The following WDR20 variants were observed in gnomAD, a reference collection of about 807,000 sequenced individuals.
The protein encoded by WDR20 is WD repeat-containing protein 20.
A neutral mutation model predicts 38.7 loss-of-function variants in WDR20; 3 were observed. The observed-to-expected ratio is 0.08, with a 90% CI of 0.04 to 0.20. The LOEUF (loss-of-function observed/expected upper bound fraction) is 0.20. Ranked by LOEUF, WDR20 falls within the 10% of genes least tolerant of loss-of-function variation. The pLI is 1.00. For synonymous variants in WDR20, 298 were observed against 285.6 expected (o/e 1.04, Z -0.44); for missense variants, 559 against 727.7 (o/e 0.77, Z 2.67).
At chr14:102,157,459 A>C (rs1025221254) in intron 1 of WDR20, 1 of 152,136 alleles carries the variant, frequency 6.6e-6, no homozygotes, top group Non-Finnish European at 1.5e-5. Context: ...GCAGTTGCTC[A>C]TCTAGAATTC....
chr14:102,214,391 CTTTA>C, downstream of WDR20: 1 of 985,400 alleles, frequency 1.0e-6, no homozygotes, highest in Non-Finnish European at 1.2e-6. Flanking sequence ...AAGTCTGTGG[CTTTA>C]TATGTAAAAG....
chr14:102,224,216 AT>A (rs1277140080), downstream of WDR20, among the ~76,000 whole-genome samples: 1 of 151,546 alleles, frequency 6.6e-6, no homozygotes, highest in Non-Finnish European at 1.5e-5. Context: ...TAATTTTTGT[AT>A]TTTTAGTAGA....
At chr14:102,146,948 T>C (rs2053860659) in intron 1 of WDR20, among the ~76,000 whole-genome samples, 1 of 152,236 alleles carries the variant, frequency 6.6e-6, no homozygotes, top group South Asian at 2.1e-4. Flanking sequence ...TGTGTTTCTT[T>C]TCCATTAAGG....
chr14:102,215,762 CG>C (rs1158550927), downstream of WDR20, among the ~76,000 whole-genome samples: 2 of 152,174 alleles, frequency 1.3e-5, no homozygotes, highest in Admixed American at 6.5e-5. Flanking sequence ...GGCCCGTCGT[CG>C]GTGCAGAGCG....
intron 1 of WDR20, among the ~76,000 whole-genome samples, chr14:102,150,438 A>G (rs1566806432): frequency 6.6e-6 from 1 of 152,120 alleles, no homozygotes. Context: ...GAGCCACTGC[A>G]CTCCAGCCTC....
intron 2 of WDR20, 138 bp downstream of exon 2, chr14:102,195,258 GT>G: frequency 1.1e-6 from 1 of 896,808 alleles, no homozygotes; most frequent in Non-Finnish European, 1.7e-6. Context: ...GTATGCCCAA[GT>G]TTAAATGTGG....
intron 1 of WDR20, among the ~76,000 whole-genome samples, chr14:102,173,927 T>C (rs750998941): frequency 8.6e-5 from 13 of 151,504 alleles, no homozygotes; most frequent in Non-Finnish European, 1.9e-4. Flanking sequence ...GCCTGTAGTC[T>C]CAGCTACTCG....
chr14:102,193,594 A>G (rs1226636879), intron 1 of WDR20: 3 of 1,397,700 alleles, frequency 2.1e-6, no homozygotes, highest in Non-Finnish European at 2.9e-6. Flanking sequence ...GTTACCGCTC[A>G]GGTCCAGACT....
chr14:102,220,735 AAAG>A lies in WDR20; in HGVS notation c.1693-2092_1693-2090del, dbSNP rs2063791335. ...ACTCCGTCTCAAAAAAAAAAAAAAAAAAGAAAATATTAAAATTAATGTCACTTG... is the reference window on the plus strand; with the variant it reads ...ACTCCGTCTCAAAAAAAAAAAAAAAAAAAATATTAAAATTAATGTCACTTG... On this transcript the variant is annotated intron_variant, in intron 3 of 3. Coordinates refer to the WDR20 transcript ENST00000335263. The surrounding 1 kb of genome is among the most constrained non-coding windows in gnomAD (Gnocchi z 4.2). Among the ~76,000 whole-genome samples, 1 of 151,528 alleles carries A rather than the reference AAAG, an allele frequency of 6.6e-6. No homozygotes were observed. The highest frequency in any genetic ancestry group is 6.6e-5 in the Admixed American group (1 of 15,210).
intron 1 of WDR20, among the ~76,000 whole-genome samples, chr14:102,171,687 TC>T (rs983449678): frequency 4.0e-5 from 6 of 151,792 alleles, no homozygotes; most frequent in African/African-American, 1.4e-4. Context: ...TTCCCAAAGA[TC>T]TTATCTTTCG....
rs746843473 is a variant in WDR20, at chr14:102,139,974, C to T, written c.51C>T (p.Phe17=). 6.8e-6 allele frequency: 11 copies of T among 1,614,222 alleles called. No homozygotes were observed. Among genetic ancestry groups the T allele is most frequent in the African/African-American group, 1.3e-5 (1 of 75,068 alleles). Residue 17 remains phenylalanine (F), a synonymous_variant, in exon 1 of 3, where the codon TTC becomes TTT. Transcript: ENST00000342702. ...AGATGAACGAGATTAAGACCCAATT[C>T]ACCACCCGGGAAGGTCTGTACAAGC... ...GKEMNEIKTQ[F]TTREGLYKLL...
chr14:102,177,774 A>C (rs1178943539), intron 1 of WDR20, among the ~76,000 whole-genome samples: 2 of 152,098 alleles, frequency 1.3e-5, no homozygotes, highest in Non-Finnish European at 2.9e-5. Flanking sequence ...CCCATGTGCA[A>C]ATTTGGGGGA....
chr14:102,167,401 T>C (rs1277893307), intron 1 of WDR20: 1 of 152,282 alleles, frequency 6.6e-6, no homozygotes, highest in African/African-American at 2.4e-5. Flanking sequence ...TTCTTATTTT[T>C]TTAGAGACAA....
At chr14:102,204,144 C>T (rs746931283) in intron 2 of WDR20, among the ~76,000 whole-genome samples, 2 of 152,062 alleles carry the variant, frequency 1.3e-5, no homozygotes, top group Non-Finnish European at 2.9e-5. Flanking sequence ...GTCTGTGGAA[C>T]GGGAGACAGC....
chr14:102,179,243 A>G (rs1185154599), intron 1 of WDR20, among the ~76,000 whole-genome samples: 1 of 152,026 alleles, frequency 6.6e-6, no homozygotes, highest in Non-Finnish European at 1.5e-5. Flanking sequence ...TTTATTTACA[A>G]TGTGTCAGAA....
chr14:102,165,888 C>T (rs1361613920), intron 1 of WDR20, among the ~76,000 whole-genome samples: 1 of 151,934 alleles, frequency 6.6e-6, no homozygotes, highest in Non-Finnish European at 1.5e-5. Context: ...AGTCTGCCTG[C>T]CTCGGCCTCC....
At chr14:102,216,466 G>A (rs1003864294), downstream of WDR20, among the ~76,000 whole-genome samples, 1 of 152,088 alleles carries the variant, frequency 6.6e-6, no homozygotes, top group Admixed American at 6.5e-5. Flanking sequence ...TAATTTTTGT[G>A]TATTTTTATT....
At chr14:102,194,616 C>T (rs750837321) in intron 1 of WDR20, among the ~76,000 whole-genome samples, 1 of 152,174 alleles carries the variant, frequency 6.6e-6, no homozygotes, top group Non-Finnish European at 1.5e-5. Context: ...GCTTGAAATG[C>T]ATTTTGAAAA....
At chr14:102,212,669 C>T, downstream of WDR20, 1 of 1,519,056 alleles carries the variant, frequency 6.6e-7, no homozygotes, top group Non-Finnish European at 8.8e-7. Flanking sequence ...GTAATGGCTC[C>T]CGCAGACCTG....
Sources: allele counts gnomAD v4.1 joint callset (sites outside exome capture counted in the v4.1 genomes callset), GRCh38; gene constraint gnomAD v4.1.1; non-coding constraint Gnocchi (gnomAD v3.1); transcripts MANE v1.5; gene names NCBI Gene and HGNC (gene_info 2026-07-23, HGNC 2026-07-21).